KCNIP4: variants seen among roughly 807,000 people sequenced by gnomAD.
KCNIP4 encodes the protein Kv channel-interacting protein 4.
Under a neutral mutation model 34.0 loss-of-function variants are expected in KCNIP4, and 12 were observed. The observed-to-expected ratio is 0.35, with a 90% confidence interval of 0.23 to 0.57. The LOEUF (loss-of-function observed/expected upper bound fraction) is 0.57. Ranked by LOEUF, KCNIP4 falls within the 20% of genes least tolerant of loss-of-function variation. The probability of loss-of-function intolerance (pLI) is 0.83; values close to 1 mark genes in which losing one functional copy is unlikely to be tolerated. For missense variants in KCNIP4, 238 were observed against 311.7 expected (o/e 0.76, Z 1.78); for synonymous variants, 124 against 102.2 (o/e 1.21, Z -1.29).
intron 1 of KCNIP4, among the ~76,000 whole-genome samples, chr4:21,654,240 A>G (rs1026522): frequency 0.34 from 51,775 of 152,086 alleles, 10,516 homozygotes; most frequent in East Asian, 0.9. Flanking sequence ...CCCAAACCAC[A>G]CAGCCCTCAG....
intron 1 of KCNIP4, among the ~76,000 whole-genome samples, chr4:21,729,397 C>T (rs17496681): frequency 0.091 from 13,886 of 152,060 alleles, 675 homozygotes; most frequent in Middle Eastern, 0.18. Flanking sequence ...TTTTCTGGCC[C>T]TAGTACTAAT....
chr4:21,766,065 C>G (rs180765458), intron 1 of KCNIP4, among the ~76,000 whole-genome samples: 3 of 152,032 alleles, frequency 2.0e-5, no homozygotes, highest in East Asian at 3.9e-4. Flanking sequence ...ACCTGATTAA[C>G]GCTCTCTGAG....
chr4:21,650,846 G>C (rs1329833241), intron 1 of KCNIP4, among the ~76,000 whole-genome samples: 1 of 152,120 alleles, frequency 6.6e-6, no homozygotes, highest in African/African-American at 2.4e-5. Context: ...AGCTCTCGTG[G>C]TTGTAGCAGA....
intron 1 of KCNIP4, among the ~76,000 whole-genome samples, chr4:21,315,678 T>G (rs1713673415): frequency 6.6e-6 from 1 of 152,166 alleles, no homozygotes; most frequent in Admixed American, 6.6e-5. Flanking sequence ...GTGTTATGGT[T>G]ATTTTGCTCC....
chr4:21,073,712 G>A (rs1053593195), intron 1 of KCNIP4, among the ~76,000 whole-genome samples: 20 of 152,044 alleles, frequency 1.3e-4, no homozygotes, highest in East Asian at 3.9e-4. Context: ...CCTGTCTTGC[G>A]CCAGTTTTTA....
intron 1 of KCNIP4, among the ~76,000 whole-genome samples, chr4:20,928,064 A>G (rs1730073532): frequency 6.6e-6 from 1 of 152,130 alleles, no homozygotes; most frequent in South Asian, 2.1e-4. Context: ...GTAATTGGAC[A>G]CAAAGAACAA....
chr4:21,050,082 C>A (rs193137377), intron 1 of KCNIP4, among the ~76,000 whole-genome samples: 3 of 152,300 alleles, frequency 2.0e-5, no homozygotes, highest in African/African-American at 7.2e-5. Flanking sequence ...GCTTGAGTCC[C>A]AGTTACCCAG....
At chr4:21,506,304 A>T (rs1472404141) in intron 1 of KCNIP4, among the ~76,000 whole-genome samples, 1 of 152,154 alleles carries the variant, frequency 6.6e-6, no homozygotes, top group Non-Finnish European at 1.5e-5. Context: ...CTTCATAGCC[A>T]CCTGACATTG....
intron 1 of KCNIP4, among the ~76,000 whole-genome samples, chr4:21,577,235 C>G (rs1740814351): frequency 6.6e-6 from 1 of 152,176 alleles, no homozygotes; most frequent in Admixed American, 6.5e-5. Flanking sequence ...TCTAACTGGA[C>G]AGCAATAGTA....
intron 1 of KCNIP4, among the ~76,000 whole-genome samples, chr4:21,068,350 G>A (rs1397107591): frequency 1.3e-5 from 2 of 152,132 alleles, no homozygotes; most frequent in African/African-American, 2.4e-5. Flanking sequence ...AACTCATAAA[G>A]TTTATCAAGT....
At chr4:21,365,544 AAAAG>A (rs1338742520) in intron 1 of KCNIP4, among the ~76,000 whole-genome samples, 4 of 138,416 alleles carry the variant, frequency 2.9e-5, no homozygotes, top group Non-Finnish European at 6.5e-5. Flanking sequence ...AAAGAAAAGA[AAAAG>A]AAAAAAAAAT....
rs558057629 is a variant in KCNIP4, at chr4:20,819,468, G to A, written c.288+31075C>T. On this transcript the variant is annotated intron_variant, in intron 3 of 8. Transcript: ENST00000382152. ...GAAATGGTCTGGTAGGCTAGGGGTG[G>A]GCAGGGGGGATTTCGGAGCTATCTG... Among the ~76,000 whole-genome samples the A allele has an allele frequency of 7.4e-4, 113 of 152,224 alleles. No individual in the cohort carries two copies. In the South Asian group the frequency reaches 9.6e-3, roughly 13 times the overall value.
intron 1 of KCNIP4, among the ~76,000 whole-genome samples, chr4:21,394,660 G>T (rs1722837319): frequency 1.3e-5 from 2 of 152,066 alleles, no homozygotes; most frequent in South Asian, 4.1e-4. Context: ...ATACATGATG[G>T]AACACTGATA....
chr4:21,419,282 C>G (rs1401160518), intron 1 of KCNIP4, among the ~76,000 whole-genome samples: 1 of 152,048 alleles, frequency 6.6e-6, no homozygotes, highest in East Asian at 1.9e-4. Flanking sequence ...CCTTCCATCC[C>G]AAACAATAGC....
At chr4:21,128,482 G>A (rs1382057968) in intron 1 of KCNIP4, among the ~76,000 whole-genome samples, 1 of 152,168 alleles carries the variant, frequency 6.6e-6, no homozygotes, top group Non-Finnish European at 1.5e-5. Flanking sequence ...AGACTATAAG[G>A]ATTGAGGGTA....
At chr4:21,524,354 A>G (rs1267201553) in intron 1 of KCNIP4, among the ~76,000 whole-genome samples, 2 of 152,170 alleles carry the variant, frequency 1.3e-5, no homozygotes, top group East Asian at 3.9e-4. Context: ...TCAGATAAGA[A>G]TGAGGTGCTA....
chr4:20,949,780 T>G (rs928943623), intron 1 of KCNIP4, among the ~76,000 whole-genome samples: 1 of 146,062 alleles, frequency 6.8e-6, no homozygotes, highest in East Asian at 2.1e-4. Flanking sequence ...ACACCGCATA[T>G]CCTCACACAT....
intron 1 of KCNIP4, among the ~76,000 whole-genome samples, chr4:21,634,408 A>G (rs1030278417): frequency 9.9e-5 from 15 of 152,044 alleles, no homozygotes; most frequent in African/African-American, 3.1e-4. Flanking sequence ...TATACTTTAT[A>G]TAATGTCAAT....
At chr4:21,169,679 T>C (rs1462443147) in intron 1 of KCNIP4, among the ~76,000 whole-genome samples, 6 of 151,238 alleles carry the variant, frequency 4.0e-5, no homozygotes, top group African/African-American at 1.5e-4. Context: ...TGTGTGTGTG[T>C]GTGTGTGTGT....
Sources: allele counts gnomAD v4.1 joint callset (sites outside exome capture counted in the v4.1 genomes callset), GRCh38; gene constraint gnomAD v4.1.1; transcripts MANE v1.5; gene names NCBI Gene and HGNC (gene_info 2026-07-23, HGNC 2026-07-21).